CNTN5: variants seen among roughly 807,000 people sequenced by gnomAD.
CNTN5 encodes contactin-5.
A neutral mutation model predicts 129.1 loss-of-function variants in CNTN5; 77 were observed. The ratio of observed to expected loss-of-function variants is 0.60; its 90% confidence interval spans 0.50 to 0.72. CNTN5 has a LOEUF of 0.72. Among genes scored for constraint, CNTN5 ranks in the 30% least tolerant of loss-of-function variants. The pLI is 0.00. For missense variants in CNTN5, 1,478 were observed against 1,328.8 expected, an observed-to-expected ratio of 1.11 and a Z score of -1.75; for synonymous variants, 509 against 465.6, an observed-to-expected ratio of 1.09 and a Z score of -1.20.
At chr11:99,372,347 T>C (rs1236895683) in intron 2 of CNTN5, among the ~76,000 whole-genome samples, 3 of 152,324 alleles carry the variant, frequency 2.0e-5, no homozygotes, top group African/African-American at 2.4e-5. Flanking sequence ...AAAAAAGTGG[T>C]ACCATTTAAG....
At chr11:99,051,603 G>C (rs75416469) in intron 1 of CNTN5, among the ~76,000 whole-genome samples, 4 of 151,846 alleles carry the variant, frequency 2.6e-5, no homozygotes, top group Non-Finnish European at 5.9e-5. Context: ...TGCGTTGAGA[G>C]CATTGTACTG....
intron 7 of CNTN5, among the ~76,000 whole-genome samples, chr11:99,918,306 A>G (rs1298017941): frequency 1.3e-5 from 2 of 152,200 alleles, no homozygotes; most frequent in African/African-American, 2.4e-5. Context: ...GAATCTATTC[A>G]GTTTAATATT....
At chr11:100,185,884 G>T (rs764250013) in intron 13 of CNTN5, among the ~76,000 whole-genome samples, 2 of 152,152 alleles carry the variant, frequency 1.3e-5, no homozygotes, top group African/African-American at 2.4e-5. Flanking sequence ...CCTGATTTTG[G>T]ACTGTCCAGT....
chr11:99,322,556 A>T (rs7112783), intron 1 of CNTN5, among the ~76,000 whole-genome samples: 7,627 of 152,194 alleles, frequency 0.05, 620 homozygotes, highest in African/African-American at 0.17. Flanking sequence ...TGTTGATAAA[A>T]ATTAATTATC....
chr11:99,032,223 G>A (rs1195007349), intron 1 of CNTN5, among the ~76,000 whole-genome samples: 4 of 151,966 alleles, frequency 2.6e-5, no homozygotes, highest in African/African-American at 4.8e-5. Context: ...GCCGCAATAA[G>A]CATACGTGTG....
intron 2 of CNTN5, among the ~76,000 whole-genome samples, chr11:99,342,571 CAAAAAAA>C (rs58710723): frequency 2.0e-4 from 5 of 24,512 alleles, no homozygotes; most frequent in Non-Finnish European, 2.6e-4. Flanking sequence ...CCCGTTATCT[CAAAAAAA>C]AAAAAAAAAA....
At chr11:99,151,906 G>A (rs541988797) in intron 1 of CNTN5, among the ~76,000 whole-genome samples, 1 of 152,214 alleles carries the variant, frequency 6.6e-6, no homozygotes, top group African/African-American at 2.4e-5. Context: ...AGCATTAGGA[G>A]AAGACCTAAT....
intron 1 of CNTN5, among the ~76,000 whole-genome samples, chr11:99,243,745 T>TTG (rs1861681938): frequency 6.6e-6 from 1 of 151,054 alleles, no homozygotes; most frequent in African/African-American, 2.4e-5. Context: ...TATTTTTTTT[T>TTG]TTTTTTTTTG....
chr11:100,073,244 A>G (rs1222703704), intron 12 of CNTN5, among the ~76,000 whole-genome samples: 1 of 151,872 alleles, frequency 6.6e-6, no homozygotes, highest in Non-Finnish European at 1.5e-5. Context: ...ATGGGGTTTC[A>G]CCGTGTTGGC....
chr11:99,557,369 T>A (rs1352172107), intron 3 of CNTN5, among the ~76,000 whole-genome samples: 5 of 151,260 alleles, frequency 3.3e-5, no homozygotes, highest in Non-Finnish European at 7.4e-5. Flanking sequence ...TATTTACATA[T>A]GATCACTAAT....
intron 13 of CNTN5, among the ~76,000 whole-genome samples, chr11:100,151,604 C>G (rs1008212014): frequency 2.6e-5 from 4 of 152,152 alleles, no homozygotes; most frequent in African/African-American, 9.7e-5. Flanking sequence ...TTAATTTGAA[C>G]AGATATTACC....
At position 100,071,880 on chromosome 11, in the gene CNTN5, C is replaced by A. The variant is rs2137874023; in HGVS notation, c.1429+46C>A. The A allele has an allele frequency of 2.7e-6, 4 of 1,485,570 alleles. No homozygotes were observed. The East Asian group carries it at 9.3e-5, about 35-fold the overall frequency. The allele number at this position is 1,485,570 out of a possible 1,614,324, so 92.0% of individuals were successfully genotyped here. On this transcript the variant is annotated intron_variant, in intron 12 of 24. Coordinates refer to ENST00000524871, the MANE Select transcript of CNTN5 (RefSeq NM_014361.4). ...TAAATTGAAAAAAAAAACCTTGCTT[C>A]TTTTCATGCTCTAATTTTTACTATA...
chr11:100,255,461 C>T (rs754439267), intron 16 of CNTN5, among the ~76,000 whole-genome samples: 1 of 152,082 alleles, frequency 6.6e-6, no homozygotes, highest in South Asian at 2.1e-4. Flanking sequence ...TTGATACTGG[C>T]ATTCACATCT....
intron 1 of CNTN5, among the ~76,000 whole-genome samples, chr11:99,253,421 C>A (rs765911221): frequency 6.6e-6 from 1 of 152,020 alleles, no homozygotes; most frequent in South Asian, 2.1e-4. Context: ...ACGTCAACAA[C>A]GTATAGCCAT....
intron 18 of CNTN5, among the ~76,000 whole-genome samples, chr11:100,291,522 A>G (rs1164271477): frequency 1.3e-5 from 2 of 148,794 alleles, no homozygotes; most frequent in Non-Finnish European, 3.0e-5. Context: ...AAAACCAAAC[A>G]CCGCATATTC....
At chr11:100,278,146 C>G (rs1399616661) in intron 18 of CNTN5, among the ~76,000 whole-genome samples, 1 of 151,972 alleles carries the variant, frequency 6.6e-6, no homozygotes, top group Non-Finnish European at 1.5e-5. Flanking sequence ...GTTGGAGGTC[C>G]TCTATTCTGT....
intron 20 of CNTN5, among the ~76,000 whole-genome samples, chr11:100,301,959 C>A (rs1951230594): frequency 6.6e-6 from 1 of 151,540 alleles, no homozygotes; most frequent in South Asian, 2.1e-4. Context: ...ATTGCTTGAG[C>A]CCAGGAATTT....
intron 8 of CNTN5, among the ~76,000 whole-genome samples, chr11:99,978,259 AAG>A (rs1938118950): frequency 6.6e-6 from 1 of 152,248 alleles, no homozygotes; most frequent in Non-Finnish European, 1.5e-5. Context: ...GTCATAATGA[AAG>A]AGTCAAAAAG....
At chr11:99,760,413 T>A (rs1944539708) in intron 3 of CNTN5, among the ~76,000 whole-genome samples, 1 of 152,126 alleles carries the variant, frequency 6.6e-6, no homozygotes, top group South Asian at 2.1e-4. Flanking sequence ...AAATAGGATA[T>A]ATGTTCTAAA....
Sources: gnomAD v4.1 joint callset for allele counts (sites outside exome capture counted in the v4.1 genomes callset) on GRCh38, gnomAD v4.1.1 for gene constraint, MANE v1.5 for transcripts, NCBI Gene and HGNC (gene_info 2026-07-23, HGNC 2026-07-21) for gene names.